Variants in GLS2 observed in about 807,000 individuals in gnomAD.
GLS2 encodes glutaminase liver isoform, mitochondrial.
A neutral mutation model predicts 79.0 loss-of-function variants in GLS2; 52 were observed. That is an observed-to-expected ratio of 0.66 (90% CI 0.53 to 0.83). The LOEUF (loss-of-function observed/expected upper bound fraction) is 0.83. Among genes scored for constraint, GLS2 ranks in the 40% least tolerant of loss-of-function variants. The probability of loss-of-function intolerance (pLI) is 0.00; values close to 1 mark genes in which losing one functional copy is unlikely to be tolerated. For missense variants in GLS2, 561 were observed against 764.8 expected, an observed-to-expected ratio of 0.73 and a Z score of 3.14; for synonymous variants, 238 against 280.8, an observed-to-expected ratio of 0.85 and a Z score of 1.52.
chr12:56,487,428 G>T (rs776559970), intron 1 of GLS2: 1 of 158,492 alleles, frequency 6.3e-6, no homozygotes, highest in African/African-American at 2.4e-5. Flanking sequence ...AGGGAGCACT[G>T]CTACGCACAC....
At position 56,488,024 on chromosome 12, in the gene GLS2, A is replaced by T; in HGVS notation, c.95T>A (p.Leu32His). 6.3e-7 allele frequency: 1 copy of T among 1,597,146 alleles called. No individual in the cohort carries two copies. Residue 32 changes from leucine (L) to histidine (H), a missense_variant, in exon 1 of 18, where the codon CTT becomes CAT. By Grantham distance (99) the Leu-to-His change is moderately conservative (BLOSUM62 -3). This residue lies in a region of GLS2 where 161 missense variants were observed against 167.8 expected (regional missense o/e 0.96). Coordinates refer to ENST00000311966, the MANE Select transcript of GLS2 (RefSeq NM_013267.4). Reference protein sequence around the residue: ...GWGHPSRSPLLGGGVRHHLSE... With the variant: ...GWGHPSRSPLHGGGVRHHLSE... ...GAGGTGGTGCCGGACGCCCCCGCCA[A>T]GGAGGGGGCTCCGGCTCGGGTGACC...
chr12:56,483,326 G>A (rs541351030), intron 1 of GLS2, among the ~76,000 whole-genome samples: 246 of 151,692 alleles, frequency 1.6e-3, no homozygotes, highest in Non-Finnish European at 1.4e-3. Flanking sequence ...TGATCCGCCT[G>A]CCTCCCCCTC....
rs113881795 is a variant in GLS2, at chr12:56,476,110, C to CTT, written c.838-135_838-134dup. Reference sequence around the variant, plus strand: ...AAATGTGTTCAATTTTATAATGGCCCTTTTTTTATCCTTCTGAAAACACCG... The same window carrying CTT: ...AAATGTGTTCAATTTTATAATGGCCCTTTTTTTTTATCCTTCTGAAAACACCG... On this transcript the variant is annotated intron_variant, in intron 7 of 17. Transcript: ENST00000311966. 9.1e-6 allele frequency: 7 copies of CTT among 766,232 alleles called. No individual in the cohort carries two copies. In the African/African-American group the frequency reaches 1.2e-4, roughly 13 times the overall value. 47.5% of individuals were successfully genotyped at this position (766,232 alleles called of 1,614,324 possible). A position where few individuals can be genotyped will look rare whatever the true frequency, so the allele number is the denominator to read the frequency against.
At chr12:56,476,453 G>C (rs1044176049) in intron 7 of GLS2, 1 of 177,094 alleles carries the variant, frequency 5.6e-6, no homozygotes, top group African/African-American at 2.4e-5. Flanking sequence ...CCCCATGCTG[G>C]AGCTTTACTC....
At chr12:56,480,663 A>G (rs927804950) in intron 1 of GLS2, among the ~76,000 whole-genome samples, 2 of 152,188 alleles carry the variant, frequency 1.3e-5, no homozygotes, top group African/African-American at 2.4e-5. Context: ...AAATATGTCC[A>G]AACCTGAGTC....
Position 56,479,188 on chromosome 12 carries a change from C to A in GLS2, c.405-7G>T, listed in dbSNP as rs778357360. 1 of 1,612,920 alleles carries A rather than the reference C, an allele frequency of 6.2e-7. No individual in the cohort carries two copies. Among genetic ancestry groups the A allele is most frequent in the Non-Finnish European group, 8.5e-7 (1 of 1,179,898 alleles). ...AATGTTGCTGCTCACACACCTGGAT[C>A]CCAGACACGATTGGATTAGGGGGCT... On this transcript the variant is annotated splice_polypyrimidine_tract_variant and splice_region_variant and intron_variant, in intron 3 of 17. Transcript: ENST00000311966.
intron 14 of GLS2, 185 bp downstream of exon 14, chr12:56,473,043 C>T (rs1355800771): frequency 1.6e-6 from 1 of 621,580 alleles, no homozygotes; most frequent in East Asian, 2.9e-5. Context: ...GCGCGTGCCA[C>T]CACGTCTGGC....
intron 1 of GLS2, among the ~76,000 whole-genome samples, chr12:56,483,438 CTGAT>C (rs1262395078): frequency 6.6e-6 from 1 of 151,860 alleles, no homozygotes; most frequent in Non-Finnish European, 1.5e-5. Flanking sequence ...CAATAGGGAA[CTGAT>C]TAATTATGGT....
intron 2 of GLS2, 40 bp downstream of exon 2, chr12:56,480,248 T>G (rs1870173383): frequency 6.4e-7 from 1 of 1,551,168 alleles, no homozygotes; most frequent in East Asian, 2.3e-5. Context: ...TTCAGAGATC[T>G]TAAGGAATTA....
At chr12:56,474,758 C>T in intron 11 of GLS2, 38 bp from the exon 12 acceptor site, 1 of 1,610,820 alleles carries the variant, frequency 6.2e-7, no homozygotes, top group South Asian at 1.1e-5. Context: ...GTGACGTGAA[C>T]CTGCACATGG....
chr12:56,472,766 A>T lies in GLS2; in HGVS notation c.1450-15T>A. The T allele has an allele frequency of 6.2e-7, 1 of 1,613,376 alleles. No homozygotes were observed. Among genetic ancestry groups the T allele is most frequent in the Non-Finnish European group, 8.5e-7 (1 of 1,179,456 alleles). ...ACAGTCTTGTTCTGGAACACAAATC[A>T]TACCCACATGACATTAATTGAACTC... On this transcript the variant is annotated splice_polypyrimidine_tract_variant and intron_variant, in intron 14 of 17. Coordinates refer to ENST00000311966, the MANE Select transcript of GLS2 (RefSeq NM_013267.4).
Position 56,473,311 on chromosome 12 carries a change from A to G in GLS2, c.1366T>C (p.Ser456Pro). ...TCATAGTTGTGGAAATTGAAGAGAG[A>G]CACCAACTTCTAGAATTGTAAGCCA... is the stretch of plus-strand genomic sequence containing the variant. Reference protein sequence around the residue: ...RGTSFCQKLVSLFNFHNYDNL... With the variant: ...RGTSFCQKLVPLFNFHNYDNL... The change falls in exon 14 of 18, where the codon TCT becomes CCT. Residue 456 changes from serine to proline, a missense_variant. By Grantham distance (74) the Ser-to-Pro change is moderately conservative (BLOSUM62 -1). Transcript: ENST00000311966. 5.0e-6 allele frequency: 8 copies of G among 1,614,148 alleles called. No individual in the cohort carries two copies. The highest frequency in any genetic ancestry group is 6.8e-6 in the Non-Finnish European group (8 of 1,180,026).
chr12:56,475,084 TC>T lies in GLS2; in HGVS notation c.955del (p.Asp319IlefsTer22), dbSNP rs1423047558. On this transcript the variant is annotated frameshift_variant, in exon 10 of 18. Transcript: ENST00000311966. LOFTEE classifies it high-confidence loss of function. ...ATAATAGCCGATGGCATAATTCCGA[TC>T]CCCTGTTTCCTTCTCTGACTGGAAT... is the stretch of plus-strand genomic sequence containing the variant. ...ATFQSEKETG[D>X]RNYAIGYYLK... The T allele has an allele frequency of 6.2e-7, 1 of 1,614,096 alleles. No homozygotes were observed. The highest frequency in any genetic ancestry group is 8.5e-7 in the Non-Finnish European group (1 of 1,180,032).
chr12:56,485,535 G>A lies in GLS2; in HGVS notation c.182+2402C>T, dbSNP rs112549093. ...CTGCCTTGGCCACCCACAGTGCTGG[G>A]ATTACAGGTGTGAGCCACTGCACCT... On this transcript the variant is annotated intron_variant, in intron 1 of 17. Transcript: ENST00000311966. Among the ~76,000 whole-genome samples the A allele has an allele frequency of 1.3e-5, 2 of 151,958 alleles. 1 individual carries two copies. The highest frequency in any genetic ancestry group is 4.2e-4 in the South Asian group (2 of 4,804).
At position 56,472,184 on chromosome 12, in the gene GLS2, G is replaced by T; in HGVS notation, c.1523C>A (p.Ser508Ter). Residue 508 changes from serine (S) to a stop codon, truncating the protein, a stop_gained, in exon 16 of 18, where the codon TCA (serine) becomes TAA (stop). Transcript: ENST00000311966. LOFTEE classifies it high-confidence loss of function. ...DVSALRRFAL[S>*]AMDMEQKDYD... is the part of the protein sequence containing the mutation. ...GTCTTTCTGTTCCATATCCATGGCT[G>T]ACAAGGCAAACCTGAGGGTAGTGGG... 6.2e-7 allele frequency: 1 copy of T among 1,614,142 alleles called. No individual in the cohort carries two copies. The highest frequency in any genetic ancestry group is 1.1e-5 in the South Asian group (1 of 91,060).
rs1021798506 is a variant in GLS2, at chr12:56,475,104, CTG to C, written c.934_935del (p.Gln312ValfsTer24). On this transcript the variant is annotated frameshift_variant, in exon 10 of 18. Coordinates refer to ENST00000311966, the MANE Select transcript of GLS2 (RefSeq NM_013267.4). LOFTEE classifies it high-confidence loss of function. The part of the protein sequence containing the change: ...EYMGFSNATF[Q>X]SEKETGDRNY... Reference sequence around the variant, plus strand: ...TCCGATCCCCTGTTTCCTTCTCTGACTGGAATCTGAAGCAAACACCCAATTTA... The same window carrying C: ...TCCGATCCCCTGTTTCCTTCTCTGACGAATCTGAAGCAAACACCCAATTTA... The C allele has an allele frequency of 6.2e-7, 1 of 1,613,946 alleles. No individual in the cohort carries two copies. Among genetic ancestry groups the C allele is most frequent in the Non-Finnish European group, 8.5e-7 (1 of 1,180,040 alleles).
rs866883955 is a variant in GLS2, at chr12:56,472,857, G to A, written c.1450-106C>T. On this transcript the variant is annotated intron_variant, in intron 14 of 17. Transcript: ENST00000311966. Reference sequence around the variant, plus strand: ...CTTAGTCCAAGGGTATTGCTGAAGTGTTATGGAATGTGCTACTCTGAAATA... The same window carrying A: ...CTTAGTCCAAGGGTATTGCTGAAGTATTATGGAATGTGCTACTCTGAAATA... 268 of 736,784 alleles carry A rather than the reference G, an allele frequency of 3.6e-4. 1 individual carries two copies. In the Middle Eastern group the frequency reaches 4.5e-3, roughly 12 times the overall value. The allele number at this position is 736,784 out of a possible 1,614,324, so 45.6% of individuals were successfully genotyped here. A position where few individuals can be genotyped will look rare whatever the true frequency, so the allele number is the denominator to read the frequency against.
At chr12:56,474,495 T>A in intron 12 of GLS2, 49 bp downstream of exon 12, 1 of 1,607,824 alleles carries the variant, frequency 6.2e-7, no homozygotes, top group Non-Finnish European at 8.5e-7. Flanking sequence ...GTGTTCTCTC[T>A]TCTTAGCACT....
intron 1 of GLS2, among the ~76,000 whole-genome samples, chr12:56,485,964 C>T (rs139192164): frequency 1.2e-4 from 15 of 128,970 alleles, no homozygotes; most frequent in African/African-American, 4.1e-4. Flanking sequence ...TGCAGTGAGC[C>T]GAGATTGCGC....
Sources: gnomAD v4.1 joint callset for allele counts (sites outside exome capture counted in the v4.1 genomes callset) on GRCh38, gnomAD v4.1.1 for gene constraint, gnomAD v4.1.1 regional missense constraint, MANE v1.5 for transcripts, NCBI Gene and HGNC (gene_info 2026-07-23, HGNC 2026-07-21) for gene names.